The following DNAI4 variants were observed in gnomAD, a reference collection of about 807,000 sequenced individuals.
The protein encoded by DNAI4 is dynein axonemal intermediate chain 4, also known as WD repeat domain 78.
Under a neutral mutation model 105.8 loss-of-function variants are expected in DNAI4, and 85 were observed. The observed-to-expected ratio is 0.80, with a 90% CI of 0.67 to 0.96. The LOEUF is 0.96. DNAI4 is among the 40% of genes least tolerant of loss of function. The pLI, the probability that DNAI4 is intolerant of heterozygous loss-of-function variation, is 0.00. For missense variants in DNAI4, 1,014 were observed against 1,005.6 expected, an observed-to-expected ratio of 1.01 and a Z score of -0.11; for synonymous variants, 352 against 331.5, an observed-to-expected ratio of 1.06 and a Z score of -0.67.
At chr1:66,892,950 G>GAAGAAAGAGAAGAAAGA (rs1553227438) in intron 3 of DNAI4, among the ~76,000 whole-genome samples, 16 of 91,972 alleles carry the variant, frequency 1.7e-4, no homozygotes, top group East Asian at 8.1e-4. Flanking sequence ...AGAAGAAAGA[G>GAAGAAAGAGAAGAAAGA]AAGAAAGAAA....
chr1:66,845,670 A>T (rs1298287587), intron 8 of DNAI4, among the ~76,000 whole-genome samples: 1 of 152,204 alleles, frequency 6.6e-6, no homozygotes, highest in Non-Finnish European at 1.5e-5. Flanking sequence ...CTAGAGCATT[A>T]CTAGGAAAAA....
chr1:66,889,516 A>G (rs1647415779), intron 4 of DNAI4, among the ~76,000 whole-genome samples: 1 of 152,254 alleles, frequency 6.6e-6, no homozygotes, highest in Admixed American at 6.5e-5. Context: ...ATGTGAGAAA[A>G]GTAAATATTT....
chr1:66,864,875 A>C (rs145762181), intron 6 of DNAI4, among the ~76,000 whole-genome samples: 2 of 152,320 alleles, frequency 1.3e-5, no homozygotes, highest in Non-Finnish European at 2.9e-5. Context: ...CCCAAAAGTT[A>C]GGAGAGTGGA....
In DNAI4 at chr1:66,884,235, T is replaced by A. The variant is rs2985802; in HGVS notation, c.643+6919A>T. ...TTTTCTTTATCCATTCATCTGTTGA[T>A]GAACATAAGTTGATTCCATAACTTG... is the stretch of plus-strand genomic sequence containing the variant. On this transcript the variant is annotated intron_variant, in intron 4 of 16. Transcript: ENST00000371026. 7.9e-3 allele frequency among the ~76,000 whole-genome samples: 1,200 copies of A among 152,340 alleles called. 15 individuals carry two copies. Among genetic ancestry groups the A allele is most frequent in the African/African-American group, 0.028 (1,156 of 41,572 alleles).
chr1:66,847,626 G>T lies in DNAI4; in HGVS notation c.1149C>A (p.Ile383=), dbSNP rs1646306292. The T allele has an allele frequency of 6.2e-7, 1 of 1,613,404 alleles. No homozygotes were observed. Among genetic ancestry groups the T allele is most frequent in the Non-Finnish European group, 8.5e-7 (1 of 1,179,818 alleles). ...CTGAGTGGTCTTCCTCATCTTCATG[G>T]ATTTTTGCCAGAATTACATTTTCTA... ...MDIENVILAK[I]HEDEEDHSDA... is the part of the protein sequence containing the mutation. The change falls in exon 8 of 17, where the codon ATC becomes ATA. Residue 383 remains isoleucine, a synonymous_variant. Coordinates refer to ENST00000371026, the MANE Select transcript of DNAI4 (RefSeq NM_024763.5).
At chr1:66,843,232 G>C (rs61779971) in intron 8 of DNAI4, among the ~76,000 whole-genome samples, 2 of 104,378 alleles carry the variant, frequency 1.9e-5, no homozygotes, top group East Asian at 6.6e-4. Context: ...TGGGGGGGAG[G>C]AGGAGGAGGA....
intron 1 of DNAI4, among the ~76,000 whole-genome samples, chr1:66,913,394 T>G (rs1390295832): frequency 6.6e-6 from 1 of 152,108 alleles, no homozygotes; most frequent in African/African-American, 2.4e-5. Flanking sequence ...CTTAATTCGG[T>G]TTGTCTGTGT....
chr1:66,848,322 T>A (rs1330538039), intron 7 of DNAI4: 2 of 453,378 alleles, frequency 4.4e-6, no homozygotes. Context: ...CTGGAAAAGA[T>A]CTTTTACTTT....
chr1:66,889,961 C>A (rs568399514), intron 4 of DNAI4, among the ~76,000 whole-genome samples: 1 of 152,134 alleles, frequency 6.6e-6, no homozygotes, highest in African/African-American at 2.4e-5. Flanking sequence ...GTTCCCATGA[C>A]GTTCCACATA....
intron 15 of DNAI4, among the ~76,000 whole-genome samples, chr1:66,825,166 C>CT (rs759572433): frequency 0.11 from 10,121 of 95,922 alleles, 878 homozygotes; most frequent in East Asian, 0.15. Flanking sequence ...TAATAACTGT[C>CT]TTTTTTTTTT....
chr1:66,864,513 G>A (rs1481924074), intron 6 of DNAI4, among the ~76,000 whole-genome samples: 1 of 152,132 alleles, frequency 6.6e-6, no homozygotes, highest in Non-Finnish European at 1.5e-5. Context: ...GAGGTGATAT[G>A]GGCAGTTCAG....
intron 1 of DNAI4, among the ~76,000 whole-genome samples, chr1:66,912,386 T>A (rs887871951): frequency 6.6e-6 from 1 of 151,890 alleles, no homozygotes; most frequent in African/African-American, 2.4e-5. Context: ...GGAGAATCGC[T>A]TGAATCTGGG....
Position 66,892,920 on chromosome 1 carries a change from A to G in DNAI4, c.530+309T>C, listed in dbSNP as rs185320201. Among the ~76,000 whole-genome samples the G allele has an allele frequency of 1.3e-3, 189 of 145,946 alleles. 1 individual carries two copies. Among genetic ancestry groups the G allele is most frequent in the Non-Finnish European group, 2.2e-3 (145 of 66,618 alleles). ...TGAAACTTGTCTCAAAAAAGAAAGA[A>G]AGAGAGAAAGAGAAGAAAGAGAAGA... is the stretch of plus-strand genomic sequence containing the variant. On this transcript the variant is annotated intron_variant, in intron 3 of 16. Coordinates refer to ENST00000371026, the MANE Select transcript of DNAI4 (RefSeq NM_024763.5).
intron 4 of DNAI4, among the ~76,000 whole-genome samples, chr1:66,878,079 G>A (rs1443348280): frequency 2.6e-5 from 4 of 152,130 alleles, no homozygotes; most frequent in African/African-American, 9.7e-5. Context: ...AGAATGGGAA[G>A]TTAAGATCCA....
At chr1:66,880,875 G>A (rs923804509) in intron 4 of DNAI4, among the ~76,000 whole-genome samples, 5 of 152,172 alleles carry the variant, frequency 3.3e-5, no homozygotes, top group Non-Finnish European at 7.4e-5. Context: ...GGCCTAGGAG[G>A]TGAATGTGGT....
chr1:66,873,698 ATC>A (rs1478346723), intron 5 of DNAI4, among the ~76,000 whole-genome samples: 1 of 152,168 alleles, frequency 6.6e-6, no homozygotes, highest in Non-Finnish European at 1.5e-5. Context: ...TAACACAAGA[ATC>A]TCTCTTTCAG....
intron 2 of DNAI4, among the ~76,000 whole-genome samples, chr1:66,898,405 G>T (rs946092391): frequency 1.3e-5 from 2 of 152,218 alleles, no homozygotes; most frequent in African/African-American, 4.8e-5. Context: ...GTGTCTAAAA[G>T]TTATGTTAGA....
chr1:66,814,377 C>CT (rs375603145), intron 16 of DNAI4, among the ~76,000 whole-genome samples, 197 bp from the exon 17 acceptor site: 40 of 148,804 alleles, frequency 2.7e-4, no homozygotes, highest in South Asian at 6.4e-4. Flanking sequence ...ATGAAAGGCT[C>CT]TTTTTTTTTT....
At chr1:66,820,211 G>A (rs1443907680) in intron 16 of DNAI4, among the ~76,000 whole-genome samples, 1 of 151,234 alleles carries the variant, frequency 6.6e-6, no homozygotes, top group Non-Finnish European at 1.5e-5. Context: ...CCTCAGAGTA[G>A]ACTAAAATTA....
Sources: gnomAD v4.1 joint callset for allele counts (sites outside exome capture counted in the v4.1 genomes callset) on GRCh38, gnomAD v4.1.1 for gene constraint, MANE v1.5 for transcripts, NCBI Gene and HGNC (gene_info 2026-07-23, HGNC 2026-07-21) for gene names.